PSAP: variants seen among roughly 807,000 people sequenced by gnomAD.
The protein encoded by PSAP is precursor of saposins.
Under a neutral mutation model 66.0 loss-of-function variants are expected in PSAP, and 25 were observed. The ratio of observed to expected loss-of-function variants is 0.38; its 90% CI spans 0.28 to 0.53. The LOEUF is 0.53. PSAP is among the 20% of genes least tolerant of loss of function. The pLI, the probability that PSAP is intolerant of heterozygous loss-of-function variation, is 0.83. For synonymous variants in PSAP, 273 were observed against 258.9 expected, an observed-to-expected ratio of 1.05 and a Z score of -0.52; for missense variants, 649 against 668.8, an observed-to-expected ratio of 0.97 and a Z score of 0.33.
rs377181245 is a variant in PSAP at position 71,829,048 on chromosome 10, G to A, written c.405C>T (p.Leu135=). ...GCTTCTGGAGAGACTCGCAGAGGTTGAGAGCAGAGCACACCTCCCCAGGAC... is the reference window on the plus strand; with the variant it reads ...GCTTCTGGAGAGACTCGCAGAGGTTAAGAGCAGAGCACACCTCCCCAGGAC... The part of the protein sequence containing the change: ...MSRPGEVCSA[L]NLCESLQKHL... Residue 135 remains leucine, a synonymous_variant, in exon 5 of 14, where the codon CTC becomes CTT. Coordinates refer to ENST00000394936, the MANE Select transcript of PSAP (RefSeq NM_002778.4). 2.7e-5 allele frequency: 43 copies of A among 1,614,166 alleles called. No individual in the cohort carries two copies. The highest frequency in any genetic ancestry group is 3.6e-5 in the Non-Finnish European group (43 of 1,180,024).
intron 2 of PSAP, 51 bp downstream of exon 2, chr10:71,834,321 G>A (rs762702789): frequency 1.9e-6 from 3 of 1,610,540 alleles, no homozygotes; most frequent in Admixed American, 1.7e-5. Flanking sequence ...GCTGTTCTAA[G>A]GGGACCCAAG....
chr10:71,820,360 A>C (rs1265618876), intron 8 of PSAP, 25 bp from the exon 9 acceptor site: 1 of 1,584,132 alleles, frequency 6.3e-7, no homozygotes, highest in African/African-American at 1.3e-5. Flanking sequence ...GAAGGAGAGT[A>C]CTTTCAATGC....
At chr10:71,824,715 A>T (rs911138209) in intron 7 of PSAP, among the ~76,000 whole-genome samples, 6 of 152,194 alleles carry the variant, frequency 3.9e-5, no homozygotes, top group African/African-American at 1.4e-4. Context: ...AGTATATATG[A>T]ACCCGTTGAT....
At position 71,817,134 on chromosome 10, in the gene PSAP, C is replaced by CTG; in HGVS notation, c.*305_*306dup. On this transcript the variant is annotated 3_prime_UTR_variant, in exon 14 of 14. Coordinates refer to ENST00000394936, the MANE Select transcript of PSAP (RefSeq NM_002778.4). Reference sequence around the variant, plus strand: ...GGGTTGATGGCCTCCAGTCAAGAAACTGTGGCTCATGCCAGCAGAGCTCTC... The same window carrying CTG: ...GGGTTGATGGCCTCCAGTCAAGAAACTGTGTGGCTCATGCCAGCAGAGCTCTC... The CTG allele has an allele frequency of 2.1e-6, 1 of 486,278 alleles. No homozygotes were observed. Among genetic ancestry groups the CTG allele is most frequent in the South Asian group, 2.1e-5 (1 of 47,454 alleles). The allele number at this position is 486,278 out of a possible 1,614,324, so 30.1% of individuals were successfully genotyped here. A position where few individuals can be genotyped will look rare whatever the true frequency, so the allele number is the denominator to read the frequency against.
intron 1 of PSAP, among the ~76,000 whole-genome samples, chr10:71,835,110 C>T (rs896827040): frequency 2.6e-5 from 4 of 151,764 alleles, no homozygotes; most frequent in African/African-American, 4.8e-5. Context: ...GGTGTGGTGG[C>T]GGGCGCCTGT....
At chr10:71,833,620 C>T (rs1842563359) in intron 2 of PSAP, among the ~76,000 whole-genome samples, 1 of 152,188 alleles carries the variant, frequency 6.6e-6, no homozygotes, top group South Asian at 2.1e-4. Context: ...AAACACAGCC[C>T]GTACCACATG....
intron 6 of PSAP, 46 bp from the exon 7 acceptor site, chr10:71,825,939 C>T: frequency 6.5e-7 from 1 of 1,536,476 alleles, no homozygotes; most frequent in Non-Finnish European, 9.0e-7. Flanking sequence ...TGCAACAATG[C>T]ACCAAAACCC....
intron 4 of PSAP, 68 bp from the exon 5 acceptor site, chr10:71,829,145 T>C: frequency 1.4e-6 from 2 of 1,407,210 alleles, no homozygotes; most frequent in Non-Finnish European, 2.0e-6. Flanking sequence ...GGCCATCTAG[T>C]GCCTCTGAAT....
At chr10:71,818,003 A>G (rs1464956040) in intron 13 of PSAP, among the ~76,000 whole-genome samples, 1 of 152,246 alleles carries the variant, frequency 6.6e-6, no homozygotes, top group Admixed American at 6.5e-5. Flanking sequence ...GTGGTCCGAA[A>G]TGACACAACC....
At chr10:71,840,330 C>T (rs188958873) in intron 1 of PSAP, among the ~76,000 whole-genome samples, 21 of 152,280 alleles carry the variant, frequency 1.4e-4, no homozygotes, top group African/African-American at 4.8e-4. Context: ...GAGAGGATAA[C>T]CCCTGGAGGA....
chr10:71,825,590 C>CA (rs1842386724), intron 7 of PSAP: 2 of 635,088 alleles, frequency 3.1e-6, no homozygotes, highest in Non-Finnish European at 5.8e-6. Context: ...CGGGCAGAGG[C>CA]AAACAAATTG....
At position 71,819,553 on chromosome 10, in the gene PSAP, C is replaced by T. The variant is rs774088864; in HGVS notation, c.1262G>A (p.Arg421His). ...CTTGGTGCTGTTTTTCTCCAGGTTG[C>T]GATCCAAATAACCCACCAGCTTCTT... ...VCKKLVGYLD[R>H]NLEKNSTKQE... The change falls in exon 11 of 14, where the codon CGC (arginine) becomes CAC (histidine). Residue 421 changes from arginine (R) to histidine (H), a missense_variant. Arg to His is a conservative substitution (Grantham distance 29, BLOSUM62 0). Coordinates refer to ENST00000394936, the MANE Select transcript of PSAP (RefSeq NM_002778.4). 1.2e-5 allele frequency: 19 copies of T among 1,614,072 alleles called. No homozygotes were observed. Among genetic ancestry groups the T allele is most frequent in the African/African-American group, 4.0e-5 (3 of 74,928 alleles).
rs908964745 is a variant in PSAP at position 71,820,681 on chromosome 10, G to C, written c.910-346C>G. Among the ~76,000 whole-genome samples the C allele has an allele frequency of 6.1e-5, 9 of 147,376 alleles. No individual in the cohort carries two copies. The East Asian group carries it at 1.9e-3, about 32-fold the overall frequency. On this transcript the variant is annotated intron_variant, in intron 8 of 13. Coordinates refer to ENST00000394936, the MANE Select transcript of PSAP (RefSeq NM_002778.4). ...TTTCATCATTCAGGGTTCATTTTGG[G>C]GAGGAGGATGAAGGACCAAAAGCAA...
At chr10:71,820,701 A>G (rs1842284866) in intron 8 of PSAP, among the ~76,000 whole-genome samples, 1 of 131,768 alleles carries the variant, frequency 7.6e-6, no homozygotes, top group South Asian at 2.3e-4. Flanking sequence ...GAAGGACCAA[A>G]AGCAAAGTGA....
chr10:71,850,766 G>T (rs1842911054), intron 1 of PSAP, among the ~76,000 whole-genome samples: 1 of 152,246 alleles, frequency 6.6e-6, no homozygotes, highest in African/African-American at 2.4e-5. Flanking sequence ...GAAGCCAACG[G>T]CCAAAGTGTC....
At chr10:71,817,510 G>C in intron 13 of PSAP, 34 bp from the exon 14 acceptor site, 1 of 1,610,988 alleles carries the variant, frequency 6.2e-7, no homozygotes, top group Non-Finnish European at 8.5e-7. Context: ...TTTAGTCTTC[G>C]GATGAAAAAC....
At chr10:71,817,997 T>C (rs1842210162) in intron 13 of PSAP, among the ~76,000 whole-genome samples, 1 of 152,016 alleles carries the variant, frequency 6.6e-6, no homozygotes, top group Non-Finnish European at 1.5e-5. Flanking sequence ...CCTGCAGTGG[T>C]CCGAAATGAC....
chr10:71,832,121 C>T (rs1004432932), intron 2 of PSAP, among the ~76,000 whole-genome samples: 2 of 152,176 alleles, frequency 1.3e-5, no homozygotes, highest in Non-Finnish European at 2.9e-5. Context: ...CTCACCAGAA[C>T]ACACTGTGAG....
Position 71,829,045 on chromosome 10 carries a change from G to T in PSAP, c.408C>A (p.Asn136Lys). The change falls in exon 5 of 14, where the codon AAC becomes AAA. Residue 136 changes from asparagine (N) to lysine (K), a missense_variant. Physicochemically the swap from Asn to Lys is moderately conservative, Grantham distance 94 (BLOSUM62 0). Coordinates refer to ENST00000394936, the MANE Select transcript of PSAP (RefSeq NM_002778.4). Reference sequence around the variant, plus strand: ...GGTGCTTCTGGAGAGACTCGCAGAGGTTGAGAGCAGAGCACACCTCCCCAG... The same window carrying T: ...GGTGCTTCTGGAGAGACTCGCAGAGTTTGAGAGCAGAGCACACCTCCCCAG... ...SRPGEVCSAL[N>K]LCESLQKHLA... 6.2e-7 allele frequency: 1 copy of T among 1,614,130 alleles called. No homozygotes were observed. The highest frequency in any genetic ancestry group is 1.3e-5 in the African/African-American group (1 of 75,024).
Sources: allele counts gnomAD v4.1 joint callset (sites outside exome capture counted in the v4.1 genomes callset), GRCh38; gene constraint gnomAD v4.1.1; transcripts MANE v1.5; gene names NCBI Gene and HGNC (gene_info 2026-07-23, HGNC 2026-07-21).